Variants in MGAT5 observed in about 807,000 individuals in gnomAD.
MGAT5 encodes alpha-1,6-mannosylglycoprotein 6-beta-N-acetylglucosaminyltransferase A.
A neutral mutation model predicts 94.3 loss-of-function variants in MGAT5; 30 were observed. The observed-to-expected ratio is 0.32, with a 90% CI of 0.24 to 0.43. MGAT5 has a LOEUF of 0.43. Ranked by LOEUF, MGAT5 falls within the 20% of genes least tolerant of loss-of-function variation. The pLI, the probability that MGAT5 is intolerant of heterozygous loss-of-function variation, is 1.00. For missense variants in MGAT5, 691 were observed against 905.5 expected (o/e 0.76, Z 3.04); for synonymous variants, 310 against 322.9 (o/e 0.96, Z 0.43).
chr2:134,375,015 G>A (rs946665865), intron 10 of MGAT5, among the ~76,000 whole-genome samples: 3 of 152,112 alleles, frequency 2.0e-5, no homozygotes, highest in Admixed American at 6.5e-5. Flanking sequence ...TCCAGGGAAC[G>A]CTGGAGTTAT....
At chr2:134,271,882 A>T (rs929440505) in intron 2 of MGAT5, among the ~76,000 whole-genome samples, 2 of 152,052 alleles carry the variant, frequency 1.3e-5, no homozygotes, top group African/African-American at 4.8e-5. Context: ...TTCAGTCTCC[A>T]CTTGCCACCC....
chr2:134,165,014 A>G (rs193052761), intron 1 of MGAT5, among the ~76,000 whole-genome samples: 2 of 152,302 alleles, frequency 1.3e-5, no homozygotes, highest in East Asian at 1.9e-4. Flanking sequence ...GCCCTGAGAT[A>G]ACTCTCCACC....
intron 2 of MGAT5, among the ~76,000 whole-genome samples, chr2:134,283,446 C>T (rs1684821416): frequency 6.6e-6 from 1 of 151,950 alleles, no homozygotes; most frequent in African/African-American, 2.4e-5. Flanking sequence ...GTTAGAGGCA[C>T]CAAATGGGGA....
chr2:134,359,758 A>G (rs544527687), intron 9 of MGAT5, among the ~76,000 whole-genome samples: 1 of 152,366 alleles, frequency 6.6e-6, no homozygotes, highest in South Asian at 2.1e-4. Flanking sequence ...CATTTCAGAT[A>G]ACATCCTCCT....
intron 1 of MGAT5, among the ~76,000 whole-genome samples, chr2:134,165,667 C>T (rs1271043116): frequency 2.6e-5 from 4 of 151,868 alleles, no homozygotes; most frequent in Admixed American, 6.6e-5. Context: ...CCCAGCTACT[C>T]GGGAGGCTGA....
chr2:134,159,490 G>A (rs559050802), intron 1 of MGAT5, among the ~76,000 whole-genome samples: 4 of 152,246 alleles, frequency 2.6e-5, no homozygotes, highest in South Asian at 2.1e-4. Flanking sequence ...AACATCTGTC[G>A]AGGAGTTTTT....
chr2:134,405,520 C>T (rs112623154), intron 11 of MGAT5, among the ~76,000 whole-genome samples: 2,356 of 152,300 alleles, frequency 0.015, 73 homozygotes, highest in African/African-American at 0.053. Flanking sequence ...AGTCAGGCTT[C>T]GCATCTATAA....
chr2:134,169,195 T>A (rs1688084171), intron 1 of MGAT5, among the ~76,000 whole-genome samples: 1 of 152,148 alleles, frequency 6.6e-6, no homozygotes, highest in Admixed American at 6.5e-5. Context: ...TGTAGGGCAT[T>A]TATAACTTTC....
chr2:134,189,602 G>GTTTTTTGTTTT (rs1689239643), intron 1 of MGAT5, among the ~76,000 whole-genome samples: 1 of 84,672 alleles, frequency 1.2e-5, no homozygotes, highest in African/African-American at 4.8e-5. Context: ...GTTTTTTTTT[G>GTTTTTTGTTTT]TTTTTTTTTT....
intron 10 of MGAT5, among the ~76,000 whole-genome samples, chr2:134,370,212 C>T (rs1024835968): frequency 1.3e-5 from 2 of 152,132 alleles, no homozygotes; most frequent in East Asian, 3.9e-4. Flanking sequence ...TTTAATGAAC[C>T]ACCCAAGACC....
At chr2:134,287,695 G>A (rs1685096393) in intron 2 of MGAT5, among the ~76,000 whole-genome samples, 1 of 152,158 alleles carries the variant, frequency 6.6e-6, no homozygotes, top group South Asian at 2.1e-4. Context: ...TTTAAAATTT[G>A]TAGTAGAGAC....
chr2:134,442,849 A>G (rs921876465), intron 15 of MGAT5, among the ~76,000 whole-genome samples: 15 of 139,532 alleles, frequency 1.1e-4, no homozygotes, highest in Admixed American at 9.8e-4. Flanking sequence ...TAGGTGTTTT[A>G]TGCAAGAGAC....
At chr2:134,274,485 T>C (rs1236584600) in intron 2 of MGAT5, among the ~76,000 whole-genome samples, 2 of 152,232 alleles carry the variant, frequency 1.3e-5, no homozygotes, top group Admixed American at 6.5e-5. Context: ...TAGGATGTGA[T>C]AGTTACAATC....
chr2:134,329,862 C>A (rs1278754699), intron 4 of MGAT5, among the ~76,000 whole-genome samples: 1 of 152,078 alleles, frequency 6.6e-6, no homozygotes, highest in African/African-American at 2.4e-5. Context: ...AGAGAACTAG[C>A]CTAGAAAGCT....
chr2:134,125,049 G>C (rs1036370015), intron 1 of MGAT5, among the ~76,000 whole-genome samples: 1 of 151,946 alleles, frequency 6.6e-6, no homozygotes, highest in Non-Finnish European at 1.5e-5. Context: ...GTCCCCTCAT[G>C]GGAGTGTGTT....
At chr2:134,312,247 A>G (rs1256784820) in intron 2 of MGAT5, among the ~76,000 whole-genome samples, 2 of 152,098 alleles carry the variant, frequency 1.3e-5, no homozygotes, top group South Asian at 2.1e-4. Flanking sequence ...ACAAAAAACA[A>G]AACAACAAAA....
intron 10 of MGAT5, among the ~76,000 whole-genome samples, chr2:134,375,211 A>C (rs1281624548): frequency 6.6e-6 from 1 of 152,198 alleles, no homozygotes; most frequent in Non-Finnish European, 1.5e-5. Context: ...TTTTGAGTGA[A>C]AGAACTGAAG....
At chr2:134,382,518 A>G (rs1221897242) in intron 10 of MGAT5, among the ~76,000 whole-genome samples, 1 of 152,194 alleles carries the variant, frequency 6.6e-6, no homozygotes, top group East Asian at 1.9e-4. Flanking sequence ...ATTTGGCTAC[A>G]GTAAAGCTAA....
intron 1 of MGAT5, among the ~76,000 whole-genome samples, chr2:134,133,146 C>T (rs1686254317): frequency 6.6e-6 from 1 of 152,204 alleles, no homozygotes; most frequent in Non-Finnish European, 1.5e-5. Flanking sequence ...TTCTCTTACA[C>T]CACCTTTCTG....
Sources: allele counts gnomAD v4.1 joint callset (sites outside exome capture counted in the v4.1 genomes callset), GRCh38; gene constraint gnomAD v4.1.1; transcripts MANE v1.5; gene names NCBI Gene and HGNC (gene_info 2026-07-23, HGNC 2026-07-21).